UBXN2A: variants seen among roughly 807,000 people sequenced by gnomAD.
UBXN2A encodes the protein UBX domain-containing protein 2A.
UBXN2A carries 28 observed loss-of-function variants against 28.4 expected under a neutral mutation model. That is an observed-to-expected ratio of 0.99 (90% CI 0.73 to 1.35). The LOEUF is 1.35. Among genes scored for constraint, UBXN2A ranks in the 40% most tolerant of loss-of-function variants. The pLI, the probability that UBXN2A is intolerant of heterozygous loss-of-function variation, is 0.00. For missense variants in UBXN2A, 253 were observed against 297.9 expected (o/e 0.85, Z 1.11); for synonymous variants, 97 against 103.6 (o/e 0.94, Z 0.39).
At chr2:23,963,485 A>G (rs1032178904) in intron 2 of UBXN2A, among the ~76,000 whole-genome samples, 5 of 151,884 alleles carry the variant, frequency 3.3e-5, no homozygotes, top group South Asian at 2.1e-4. Context: ...AAAAAAAAAA[A>G]AGAGAAAAGT....
intron 1 of UBXN2A, among the ~76,000 whole-genome samples, chr2:23,953,199 G>T (rs1296559788): frequency 1.3e-5 from 2 of 152,052 alleles, no homozygotes; most frequent in East Asian, 3.8e-4. Flanking sequence ...AAAAACAAAT[G>T]AAATTGCGGT....
At chr2:23,936,983 T>A (rs1268944586), upstream of UBXN2A, among the ~76,000 whole-genome samples, 1 of 152,134 alleles carries the variant, frequency 6.6e-6, no homozygotes, top group Non-Finnish European at 1.5e-5. Context: ...AGGGCTGGGA[T>A]TAAAGGCATG....
At chr2:23,939,354 C>G (rs1037945598), upstream of UBXN2A, among the ~76,000 whole-genome samples, 1 of 152,068 alleles carries the variant, frequency 6.6e-6, no homozygotes, top group Non-Finnish European at 1.5e-5. Context: ...GCTACAGCAA[C>G]CGGGAGAACT....
chr2:24,002,041 C>A lies in UBXN2A; in HGVS notation c.*2174C>A, dbSNP rs1708733779. 1 of 152,110 alleles carries A rather than the reference C, an allele frequency of 6.6e-6. No individual in the cohort carries two copies. The highest frequency in any genetic ancestry group is 2.1e-4 in the South Asian group (1 of 4,830). 9.4% of individuals were successfully genotyped at this position (152,110 alleles called of 1,614,324 possible). A position where few individuals can be genotyped will look rare whatever the true frequency, so the allele number is the denominator to read the frequency against. ...CCTGTAATCCTAGCACTTTGGGAGG[C>A]CAAGACAGGTGGATCACTTGAGCCC... is the stretch of plus-strand genomic sequence containing the variant. On this transcript the variant is annotated 3_prime_UTR_variant, in exon 7 of 7. Coordinates refer to ENST00000309033, the MANE Select transcript of UBXN2A (RefSeq NM_181713.4).
At chr2:23,936,990 C>T (rs1469146800), upstream of UBXN2A, among the ~76,000 whole-genome samples, 1 of 152,140 alleles carries the variant, frequency 6.6e-6, no homozygotes, top group Non-Finnish European at 1.5e-5. Flanking sequence ...GGATTAAAGG[C>T]ATGAGCCACC....
intron 6 of UBXN2A, among the ~76,000 whole-genome samples, chr2:23,988,858 A>G (rs1708232639): frequency 6.6e-6 from 1 of 152,210 alleles, no homozygotes; most frequent in East Asian, 1.9e-4. Context: ...TGTCTCAGGT[A>G]CAGTTTGTGA....
chr2:23,939,286 G>A (rs1705632658), upstream of UBXN2A, among the ~76,000 whole-genome samples: 3 of 152,184 alleles, frequency 2.0e-5, no homozygotes. Context: ...GAGTTCAGTG[G>A]AAGAGATCCA....
Position 23,979,684 on chromosome 2 carries a change from T to C in UBXN2A, c.287+2609T>C, listed in dbSNP as rs1707816042. On this transcript the variant is annotated intron_variant, in intron 4 of 6. Coordinates refer to ENST00000309033, the MANE Select transcript of UBXN2A (RefSeq NM_181713.4). ...CCCCGTCTCAAGTGGTCCTCCTACCTCCGCCTCCCAAATAGCTGGAACGAT... is the reference window on the plus strand; with the variant it reads ...CCCCGTCTCAAGTGGTCCTCCTACCCCCGCCTCCCAAATAGCTGGAACGAT... Among the ~76,000 whole-genome samples, 3 of 152,218 alleles carry C rather than the reference T, an allele frequency of 2.0e-5. No individual in the cohort carries two copies. In the South Asian group the frequency reaches 6.2e-4, roughly 32 times the overall value.
chr2:23,987,476 A>G (rs1708176480), intron 6 of UBXN2A, among the ~76,000 whole-genome samples: 1 of 152,312 alleles, frequency 6.6e-6, no homozygotes, highest in South Asian at 2.1e-4. Flanking sequence ...ATTTCAAACC[A>G]GCAAAAACTT....
intron 1 of UBXN2A, among the ~76,000 whole-genome samples, chr2:23,944,977 TAA>T (rs1705986774): frequency 1.3e-5 from 2 of 152,194 alleles, no homozygotes; most frequent in African/African-American, 4.8e-5. Flanking sequence ...TTGAATATAT[TAA>T]AGTTTTTTTT....
intron 1 of UBXN2A, among the ~76,000 whole-genome samples, chr2:23,955,895 A>C (rs1410986215): frequency 2.0e-5 from 3 of 152,190 alleles, no homozygotes; most frequent in Admixed American, 6.5e-5. Context: ...GAGTTTATTA[A>C]AGGGTTCATC....
chr2:23,971,524 T>G, intron 3 of UBXN2A, 110 bp downstream of exon 3: 3 of 1,238,284 alleles, frequency 2.4e-6, no homozygotes, highest in Non-Finnish European at 3.2e-6. Context: ...GGTCTTTCTC[T>G]GTCACCCAGA....
At chr2:23,936,545 C>CAAA (rs558126613), upstream of UBXN2A, among the ~76,000 whole-genome samples, 2 of 133,204 alleles carry the variant, frequency 1.5e-5, no homozygotes, top group African/African-American at 5.5e-5. Context: ...AATCCTACCT[C>CAAA]AAAAAAAAAA....
chr2:23,977,546 G>T (rs1377423402), intron 4 of UBXN2A, among the ~76,000 whole-genome samples: 1 of 151,378 alleles, frequency 6.6e-6, no homozygotes, highest in East Asian at 2.0e-4. Context: ...GGAGTCTGAG[G>T]CAGGAATTCA....
At chr2:23,996,557 A>G (rs1173562972) in intron 6 of UBXN2A, among the ~76,000 whole-genome samples, 1 of 144,436 alleles carries the variant, frequency 6.9e-6, no homozygotes, top group East Asian at 2.0e-4. Context: ...GCTCACTGCA[A>G]CCTCCACCTT....
intron 6 of UBXN2A, among the ~76,000 whole-genome samples, chr2:23,986,700 C>T (rs770499591): frequency 8.6e-5 from 13 of 151,730 alleles, no homozygotes; most frequent in African/African-American, 2.9e-4. Flanking sequence ...CTTCATCCCC[C>T]GGGTTCAAGC....
At chr2:23,939,057 G>A (rs1705624084), upstream of UBXN2A, among the ~76,000 whole-genome samples, 1 of 152,172 alleles carries the variant, frequency 6.6e-6, no homozygotes, top group African/African-American at 2.4e-5. Flanking sequence ...GGGCCTGTAG[G>A]TGAGGATCAA....
At chr2:23,962,814 C>T (rs1706992080) in intron 2 of UBXN2A, among the ~76,000 whole-genome samples, 2 of 152,096 alleles carry the variant, frequency 1.3e-5, no homozygotes, top group South Asian at 4.1e-4. Flanking sequence ...CCATGTTGGT[C>T]AGGCAGGCTG....
In UBXN2A at chr2:23,984,795, GA is replaced by G. The variant is rs1182376094; in HGVS notation, c.553del (p.Arg185GlyfsTer12). 7.1e-6 allele frequency: 11 copies of G among 1,558,430 alleles called. No homozygotes were observed. Among genetic ancestry groups the G allele is most frequent in the Admixed American group, 6.7e-5 (3 of 44,850 alleles). On this transcript the variant is annotated frameshift_variant, in exon 6 of 7. Coordinates refer to ENST00000309033, the MANE Select transcript of UBXN2A (RefSeq NM_181713.4). LOFTEE classifies it high-confidence loss of function. ...ITNIQIWLAN[G>X]KRIVQKFNIT... ...AATATACAGATCTGGTTGGCCAATG[GA>G]AAAAGGATTGTCCAGAAATTTAACA...
Sources: gnomAD v4.1 joint callset for allele counts (sites outside exome capture counted in the v4.1 genomes callset) on GRCh38, gnomAD v4.1.1 for gene constraint, MANE v1.5 for transcripts, NCBI Gene and HGNC (gene_info 2026-07-23, HGNC 2026-07-21) for gene names.